The following LYN variants were observed in gnomAD, a reference collection of about 807,000 sequenced individuals.
LYN encodes LYN proto-oncogene, Src family tyrosine kinase.
Under a neutral mutation model 65.0 loss-of-function variants are expected in LYN, and 12 were observed. The ratio of observed to expected loss-of-function variants is 0.18; its 90% CI spans 0.12 to 0.30. The LOEUF is 0.30. LYN is among the 10% of genes least tolerant of loss of function. The pLI, the probability that LYN is intolerant of heterozygous loss-of-function variation, is 1.00. For synonymous variants in LYN, 222 were observed against 221.2 expected (o/e 1.00, Z -0.03); for missense variants, 380 against 623.2 (o/e 0.61, Z 4.16).
At chr8:55,946,323 C>T in intron 2 of LYN, 125 bp from the exon 3 acceptor site, 1 of 726,764 alleles carries the variant, frequency 1.4e-6, no homozygotes, top group South Asian at 1.6e-5. Flanking sequence ...TGCTCCTGTT[C>T]TTTCTGACTT....
intron 10 of LYN, among the ~76,000 whole-genome samples, chr8:55,971,637 A>G (rs912362029): frequency 6.6e-6 from 1 of 152,196 alleles, no homozygotes; most frequent in Non-Finnish European, 1.5e-5. Context: ...TTGGGTATGT[A>G]CTGTACCCGG....
chr8:55,902,957 T>C (rs1296435153), intron 1 of LYN: 14 of 310,772 alleles, frequency 4.5e-5, no homozygotes, highest in Non-Finnish European at 7.0e-5. Flanking sequence ...CCAGCGATTC[T>C]CCTGCCTCAG....
At position 56,010,202 on chromosome 8, in the gene LYN, C is replaced by T. The variant is rs931289752; in HGVS notation, c.*92C>T. On this transcript the variant is annotated 3_prime_UTR_variant, in exon 13 of 13. Coordinates refer to ENST00000519728, the MANE Select transcript of LYN (RefSeq NM_002350.4). Reference sequence around the variant, plus strand: ...CTGGTTGCACTTATGATTTCATGTGCGGGGATCATCTGCCGTGCCTGGATC... The same window carrying T: ...CTGGTTGCACTTATGATTTCATGTGTGGGGATCATCTGCCGTGCCTGGATC... The T allele has an allele frequency of 2.0e-5, 26 of 1,285,632 alleles. 1 individual carries two copies. Among genetic ancestry groups the T allele is most frequent in the South Asian group, 1.3e-4 (10 of 77,916 alleles). The allele number at this position is 1,285,632 out of a possible 1,614,324, so 79.6% of individuals were successfully genotyped here.
intron 10 of LYN, among the ~76,000 whole-genome samples, chr8:55,981,493 TAGA>T (rs1807920899): frequency 6.6e-6 from 1 of 152,148 alleles, no homozygotes; most frequent in Admixed American, 6.5e-5. Context: ...AATGAGTAAC[TAGA>T]AGAACATATT....
chr8:55,957,832 C>A (rs1286948714), intron 8 of LYN, among the ~76,000 whole-genome samples: 4 of 152,042 alleles, frequency 2.6e-5, no homozygotes, highest in Non-Finnish European at 1.5e-5. Context: ...CCTGTGTTTC[C>A]ATCTACTTAG....
chr8:55,912,924 T>C lies in LYN; in HGVS notation c.-5-28931T>C, dbSNP rs1052797104. On this transcript the variant is annotated intron_variant, in intron 1 of 12. Transcript: ENST00000519728. ...TATTCCCCTTTACTTTACTTTTATA[T>C]AGTAATGAAATTTCATAATTAAATC... 2.7e-4 allele frequency among the ~76,000 whole-genome samples: 41 copies of C among 152,320 alleles called. 1 individual carries two copies. In the Middle Eastern group the frequency reaches 0.014, roughly 51 times the overall value.
chr8:55,987,334 G>A (rs757647394), intron 10 of LYN, among the ~76,000 whole-genome samples: 16 of 151,866 alleles, frequency 1.1e-4, no homozygotes, highest in Admixed American at 7.2e-4. Flanking sequence ...CTCGAGCCCC[G>A]GAGGTGGAGG....
At chr8:55,953,759 A>AC (rs1807021199) in intron 7 of LYN, 73 bp from the exon 8 acceptor site, 1 of 1,482,590 alleles carries the variant, frequency 6.7e-7, no homozygotes, top group African/African-American at 1.4e-5. Context: ...CTAGTGTTCA[A>AC]CTTTTCTTTA....
rs1307292527 is a variant in LYN, at chr8:55,990,978, T to A, written c.1051-7368T>A. Among the ~76,000 whole-genome samples, 4 of 152,226 alleles carry A rather than the reference T, an allele frequency of 2.6e-5. No individual in the cohort carries two copies. In the East Asian group the frequency reaches 7.7e-4, roughly 29 times the overall value. On this transcript the variant is annotated intron_variant, in intron 10 of 12. Coordinates refer to ENST00000519728, the MANE Select transcript of LYN (RefSeq NM_002350.4). The stretch of plus-strand genomic sequence containing the variant: ...CCCCACTCTGCCCAGCTTAAGTGTG[T>A]GCCTATTTAAGGGTGTCTGTGTGTG...
chr8:55,911,048 C>G, intron 1 of LYN, among the ~76,000 whole-genome samples: 1 of 136,030 alleles, frequency 7.4e-6, no homozygotes, highest in Admixed American at 7.8e-5. Context: ...AGGCGCCCAC[C>G]TCCATGTCCG....
At chr8:55,903,239 C>T (rs1306272903) in intron 1 of LYN, among the ~76,000 whole-genome samples, 5 of 152,290 alleles carry the variant, frequency 3.3e-5, no homozygotes, top group East Asian at 1.9e-4. Context: ...GTGATTCGCC[C>T]ACCTCAGCCT....
intron 1 of LYN, among the ~76,000 whole-genome samples, chr8:55,902,328 TTTC>T (rs1435967856): frequency 8.9e-5 from 3 of 33,568 alleles, no homozygotes; most frequent in Non-Finnish European, 2.0e-4. Flanking sequence ...ACTTTCTTTC[TTTC>T]TTTTTTTTTT....
chr8:55,976,899 A>T (rs1300310501), intron 10 of LYN, among the ~76,000 whole-genome samples: 1 of 152,134 alleles, frequency 6.6e-6, no homozygotes, highest in African/African-American at 2.4e-5. Flanking sequence ...CATTAAGGAA[A>T]CTAGGCCGAG....
intron 1 of LYN, among the ~76,000 whole-genome samples, chr8:55,891,937 A>G (rs1804973678): frequency 6.6e-6 from 1 of 152,180 alleles, no homozygotes; most frequent in Admixed American, 6.5e-5. Context: ...CTGACAGTAT[A>G]TTGAAATGGC....
chr8:55,966,821 T>G lies in LYN; in HGVS notation c.897T>G (p.His299Gln). Residue 299 changes from histidine to glutamine, a missense_variant, in exon 9 of 13, where the codon CAT (histidine) becomes CAG (glutamine). His to Gln is a conservative substitution (Grantham distance 24). Around this residue, in one of 2 missense-constraint regions of LYN, gnomAD observed 223 missense variants for 430.0 expected, o/e 0.52. Transcript: ENST00000519728. ...EEANLMKTLQ[H>Q]DKLVRLYAVV... ...CCAACCTCATGAAGACCCTGCAGCA[T>G]GACAAGCTCGTGAGGCTCTACGCTG... 1 of 1,614,100 alleles carries G rather than the reference T, an allele frequency of 6.2e-7. No individual in the cohort carries two copies. The highest frequency in any genetic ancestry group is 8.5e-7 in the Non-Finnish European group (1 of 1,180,010).
At chr8:55,903,586 G>T (rs896937015) in intron 1 of LYN, among the ~76,000 whole-genome samples, 13 of 152,272 alleles carry the variant, frequency 8.5e-5, no homozygotes, top group Middle Eastern at 3.4e-3. Flanking sequence ...TTCCTGGAAG[G>T]ATATTTTTCA....
At chr8:55,909,910 TTGTA>T (rs1475777327) in intron 1 of LYN, among the ~76,000 whole-genome samples, 3 of 152,144 alleles carry the variant, frequency 2.0e-5, no homozygotes, top group Non-Finnish European at 4.4e-5. Context: ...TGCTGGCTAT[TTGTA>T]TGTATTTTTT....
chr8:55,963,684 C>T (rs1051410540), intron 8 of LYN, among the ~76,000 whole-genome samples: 8 of 152,166 alleles, frequency 5.3e-5, no homozygotes, highest in African/African-American at 4.8e-5. Context: ...GTACTTTTCA[C>T]GTGTTTATTA....
chr8:55,942,674 A>G (rs1224536070), intron 2 of LYN, among the ~76,000 whole-genome samples: 1 of 151,172 alleles, frequency 6.6e-6, no homozygotes, highest in African/African-American at 2.4e-5. Flanking sequence ...AATCCCAGCT[A>G]CTCAGGAGGC....
Sources: allele counts gnomAD v4.1 joint callset (sites outside exome capture counted in the v4.1 genomes callset), GRCh38; gene constraint gnomAD v4.1.1; regional missense constraint gnomAD v4.1.1; transcripts MANE v1.5; gene names NCBI Gene and HGNC (gene_info 2026-07-23, HGNC 2026-07-21).